The following MSRA variants were observed in gnomAD, a reference collection of about 807,000 sequenced individuals.
MSRA encodes the protein mitochondrial peptide methionine sulfoxide reductase.
MSRA carries 54 observed loss-of-function variants against 31.3 expected under a neutral mutation model. The ratio of observed to expected loss-of-function variants is 1.73; its 90% CI spans 1.39 to 2.17. MSRA has a LOEUF of 2.17. Among genes scored for constraint, MSRA ranks in the 30% most tolerant of loss-of-function variants. The pLI is 0.00. For synonymous variants in MSRA, 169 were observed against 116.5 expected, an observed-to-expected ratio of 1.45 and a Z score of -2.90; for missense variants, 507 against 300.9, an observed-to-expected ratio of 1.69 and a Z score of -5.07.
intron 2 of MSRA, among the ~76,000 whole-genome samples, chr8:10,217,955 T>G (rs1810145592): frequency 6.6e-6 from 1 of 152,098 alleles, no homozygotes; most frequent in African/African-American, 2.4e-5. Flanking sequence ...ATTTAAGAAA[T>G]TAAATAATTC....
intron 2 of MSRA, among the ~76,000 whole-genome samples, chr8:10,214,321 G>C (rs1452566279): frequency 6.6e-6 from 1 of 152,094 alleles, no homozygotes; most frequent in Non-Finnish European, 1.5e-5. Flanking sequence ...CCCCTCCAAG[G>C]AGAGTGAGAT....
chr8:10,127,279 A>C (rs754490439), intron 1 of MSRA, among the ~76,000 whole-genome samples: 1 of 152,214 alleles, frequency 6.6e-6, no homozygotes, highest in African/African-American at 2.4e-5. Flanking sequence ...GTCATCGCCA[A>C]GGTCTGTTTG....
At chr8:10,382,352 G>C (rs1299084771) in intron 5 of MSRA, among the ~76,000 whole-genome samples, 1 of 152,194 alleles carries the variant, frequency 6.6e-6, no homozygotes, top group Non-Finnish European at 1.5e-5. Context: ...CCCTAGCCAT[G>C]ATCATGGTCT....
At chr8:10,217,609 C>G (rs1386104683) in intron 2 of MSRA, among the ~76,000 whole-genome samples, 1 of 152,166 alleles carries the variant, frequency 6.6e-6, no homozygotes, top group Non-Finnish European at 1.5e-5. Flanking sequence ...CCACAGGTCT[C>G]AGTTATGGCT....
intron 3 of MSRA, among the ~76,000 whole-genome samples, chr8:10,273,945 C>A (rs1185447667): frequency 1.3e-5 from 2 of 152,058 alleles, no homozygotes; most frequent in African/African-American, 4.8e-5. Context: ...AGAGAGGCAG[C>A]TGCTTTATAG....
chr8:10,059,258 C>T (rs1802568246), intron 1 of MSRA, among the ~76,000 whole-genome samples: 1 of 152,182 alleles, frequency 6.6e-6, no homozygotes, highest in Non-Finnish European at 1.5e-5. Context: ...ATGATAATAG[C>T]TCACACTTGT....
intron 3 of MSRA, among the ~76,000 whole-genome samples, chr8:10,281,178 G>T (rs940370461): frequency 6.6e-6 from 1 of 152,156 alleles, no homozygotes; most frequent in Non-Finnish European, 1.5e-5. Flanking sequence ...AGTAAAGCTG[G>T]TTGTTACCAG....
chr8:10,291,851 C>G (rs1225848081), intron 3 of MSRA, among the ~76,000 whole-genome samples: 1 of 152,114 alleles, frequency 6.6e-6, no homozygotes, highest in Non-Finnish European at 1.5e-5. Context: ...GATAAATAAA[C>G]TAAGTCAAGT....
chr8:10,318,642 A>G (rs758384960), intron 4 of MSRA, among the ~76,000 whole-genome samples: 1 of 152,200 alleles, frequency 6.6e-6, no homozygotes, highest in Non-Finnish European at 1.5e-5. Flanking sequence ...TCAATTTATG[A>G]CAGTCAAATA....
intron 3 of MSRA, among the ~76,000 whole-genome samples, chr8:10,296,257 G>T (rs1800535750): frequency 6.6e-6 from 1 of 152,190 alleles, no homozygotes. Flanking sequence ...AATTCAGTTT[G>T]ATAAGAAGGA....
At chr8:10,155,506 C>T (rs891061394) in intron 1 of MSRA, among the ~76,000 whole-genome samples, 12 of 152,176 alleles carry the variant, frequency 7.9e-5, no homozygotes, top group Non-Finnish European at 1.0e-4. Context: ...AGCGTAGAAG[C>T]TGTGCCATCC....
chr8:10,331,997 G>A (rs1802729045), intron 5 of MSRA, among the ~76,000 whole-genome samples: 1 of 152,174 alleles, frequency 6.6e-6, no homozygotes, highest in Admixed American at 6.5e-5. Flanking sequence ...CAGAGGTAAG[G>A]CTGTCTACAG....
At chr8:10,387,669 C>A (rs1355027483) in intron 5 of MSRA, among the ~76,000 whole-genome samples, 11 of 152,148 alleles carry the variant, frequency 7.2e-5, no homozygotes, top group Admixed American at 7.2e-4. Flanking sequence ...ATAAAGTCTC[C>A]CAAGTAATGT....
chr8:10,107,995 A>G lies in MSRA; in HGVS notation c.142+53337A>G, dbSNP rs185618393. On this transcript the variant is annotated intron_variant, in intron 1 of 5. Coordinates refer to ENST00000317173, the MANE Select transcript of MSRA (RefSeq NM_012331.5). ...TTAACCCAGCTGTCCCTTCCCACCA[A>G]TCACTCCCATTTCTTTTGTTGTCCT... 2.3e-3 allele frequency among the ~76,000 whole-genome samples: 346 copies of G among 152,224 alleles called. 1 individual carries two copies. Among genetic ancestry groups the G allele is most frequent in the Non-Finnish European group, 3.8e-3 (256 of 68,008 alleles).
intron 1 of MSRA, among the ~76,000 whole-genome samples, chr8:10,059,494 C>T (rs759722969): frequency 8.5e-5 from 13 of 152,058 alleles, no homozygotes; most frequent in Non-Finnish European, 1.6e-4. Context: ...TACTCTTTTT[C>T]CATTTAGGTT....
chr8:10,384,628 G>A (rs917780213), intron 5 of MSRA, among the ~76,000 whole-genome samples: 1 of 152,194 alleles, frequency 6.6e-6, no homozygotes, highest in African/African-American at 2.4e-5. Context: ...GAAGCTTCCA[G>A]GTGTTTTCAG....
intron 1 of MSRA, among the ~76,000 whole-genome samples, chr8:10,063,984 G>C (rs374560876): frequency 1.3e-5 from 2 of 152,298 alleles, no homozygotes; most frequent in South Asian, 2.1e-4. Context: ...ATTGCTCTTA[G>C]AGTTGGAGCT....
At chr8:10,174,422 G>A (rs75785055) in intron 1 of MSRA, among the ~76,000 whole-genome samples, 4 of 152,076 alleles carry the variant, frequency 2.6e-5, no homozygotes, top group South Asian at 4.1e-4. Context: ...TTGGTGTCAC[G>A]CAACCATGCT....
At chr8:10,323,233 A>G (rs2129139781) in intron 5 of MSRA, among the ~76,000 whole-genome samples, 1 of 152,308 alleles carries the variant, frequency 6.6e-6, no homozygotes, top group Admixed American at 6.5e-5. Flanking sequence ...CAAGAACTTA[A>G]AAAGTGGTTC....
Sources: gnomAD v4.1 joint callset for allele counts (sites outside exome capture counted in the v4.1 genomes callset) on GRCh38, gnomAD v4.1.1 for gene constraint, MANE v1.5 for transcripts, NCBI Gene and HGNC (gene_info 2026-07-23, HGNC 2026-07-21) for gene names.